The following MAP4K3 variants were observed in gnomAD, a reference collection of about 807,000 sequenced individuals.
The protein encoded by MAP4K3 is MAPK/ERK kinase kinase kinase 3.
A neutral mutation model predicts 143.5 loss-of-function variants in MAP4K3; 94 were observed. The observed-to-expected ratio is 0.65, with a 90% CI of 0.55 to 0.78. The LOEUF (loss-of-function observed/expected upper bound fraction) is 0.78, where lower values mean the gene tolerates loss of function less well. Ranked by LOEUF, MAP4K3 falls within the 30% of genes least tolerant of loss-of-function variation. MAP4K3 has a pLI of 0.00. For missense variants in MAP4K3, 1,077 were observed against 1,068.1 expected, an observed-to-expected ratio of 1.01 and a Z score of -0.12; for synonymous variants, 416 against 347.2, an observed-to-expected ratio of 1.20 and a Z score of -2.20.
At chr2:39,314,061 T>C (rs1683034354) in intron 13 of MAP4K3, among the ~76,000 whole-genome samples, 1 of 152,094 alleles carries the variant, frequency 6.6e-6, no homozygotes, top group South Asian at 2.1e-4. Flanking sequence ...AACAGAATCT[T>C]GTTCTTTGCC....
chr2:39,283,598 G>C (rs1410306431), intron 21 of MAP4K3: 1 of 151,556 alleles, frequency 6.6e-6, no homozygotes, highest in East Asian at 1.9e-4. Context: ...TTTACAATGA[G>C]TTTTGCTAAG....
At chr2:39,340,306 A>T (rs1224899063) in intron 4 of MAP4K3, among the ~76,000 whole-genome samples, 4 of 152,220 alleles carry the variant, frequency 2.6e-5, no homozygotes, top group Non-Finnish European at 5.9e-5. Context: ...ATTATTACAC[A>T]TTGCCACGAA....
At chr2:39,385,813 G>A (rs950897985) in intron 1 of MAP4K3, among the ~76,000 whole-genome samples, 1 of 151,720 alleles carries the variant, frequency 6.6e-6, no homozygotes, top group Admixed American at 6.6e-5. Context: ...TGTATTTTTA[G>A]TAGAGATGAG....
intron 1 of MAP4K3, among the ~76,000 whole-genome samples, chr2:39,385,925 C>T (rs1321798720): frequency 6.6e-6 from 1 of 152,116 alleles, no homozygotes; most frequent in East Asian, 1.9e-4. Context: ...AGCCACTGCA[C>T]CCAGCCAAAT....
intron 28 of MAP4K3, among the ~76,000 whole-genome samples, chr2:39,263,942 A>G (rs1014148206): frequency 2.0e-5 from 3 of 152,260 alleles, no homozygotes; most frequent in African/African-American, 4.8e-5. Context: ...ATGGTTTACC[A>G]TATTAGATAA....
chr2:39,370,850 A>G (rs1480481224), intron 2 of MAP4K3, among the ~76,000 whole-genome samples: 3 of 152,212 alleles, frequency 2.0e-5, no homozygotes, highest in Admixed American at 6.5e-5. Flanking sequence ...ACAAATGAGT[A>G]TAAGTAACTT....
intron 1 of MAP4K3, among the ~76,000 whole-genome samples, chr2:39,419,239 G>C (rs1424110728): frequency 2.6e-5 from 4 of 151,520 alleles, no homozygotes; most frequent in Non-Finnish European, 5.9e-5. Flanking sequence ...GCAAACAATA[G>C]TGTTAAAAAA....
intron 2 of MAP4K3, among the ~76,000 whole-genome samples, chr2:39,361,989 A>T (rs1665784647): frequency 6.6e-6 from 1 of 152,100 alleles, no homozygotes; most frequent in South Asian, 2.1e-4. Context: ...TCCCTTCTGA[A>T]TAGAAGAACT....
At chr2:39,253,843 T>C (rs1161807185) in intron 32 of MAP4K3, among the ~76,000 whole-genome samples, 1 of 152,218 alleles carries the variant, frequency 6.6e-6, no homozygotes, top group African/African-American at 2.4e-5. Flanking sequence ...ACCTCAGAAC[T>C]TTCCGGCATA....
chr2:39,425,571 T>C (rs573239145), intron 1 of MAP4K3, among the ~76,000 whole-genome samples: 6 of 152,070 alleles, frequency 3.9e-5, no homozygotes, highest in Non-Finnish European at 7.4e-5. Context: ...ATGCCCTCTC[T>C]CTCTGTAAGA....
intron 1 of MAP4K3, among the ~76,000 whole-genome samples, chr2:39,419,853 C>G (rs1369994580): frequency 6.6e-6 from 1 of 152,120 alleles, no homozygotes; most frequent in African/African-American, 2.4e-5. Context: ...CTGCTCAATG[C>G]TTTTTGAAGA....
chr2:39,293,312 T>G, intron 16 of MAP4K3, 44 bp from the exon 17 acceptor site: 1 of 1,157,978 alleles, frequency 8.6e-7, no homozygotes, highest in Non-Finnish European at 1.2e-6. Context: ...GAATAAATTA[T>G]CAAAGGAATA....
At chr2:39,413,070 T>C (rs1482491577) in intron 1 of MAP4K3, among the ~76,000 whole-genome samples, 5 of 152,232 alleles carry the variant, frequency 3.3e-5, no homozygotes, top group Non-Finnish European at 7.3e-5. Context: ...GATTATAAAA[T>C]GTCAAGCTTT....
chr2:39,418,705 C>G (rs545184802), intron 1 of MAP4K3, among the ~76,000 whole-genome samples: 18 of 151,760 alleles, frequency 1.2e-4, no homozygotes, highest in African/African-American at 4.1e-4. Flanking sequence ...TCCCTAGAAT[C>G]TATAACCGCA....
intron 1 of MAP4K3, among the ~76,000 whole-genome samples, chr2:39,425,816 G>A (rs561499718): frequency 1.3e-5 from 2 of 152,094 alleles, no homozygotes; most frequent in African/African-American, 2.4e-5. Flanking sequence ...AAGAATCCAT[G>A]AGCCAAAAAA....
At chr2:39,284,922 G>C in intron 21 of MAP4K3, among the ~76,000 whole-genome samples, 1 of 151,740 alleles carries the variant, frequency 6.6e-6, no homozygotes, top group Non-Finnish European at 1.5e-5. Context: ...ATATGGTCTT[G>C]CTCTGTCACC....
chr2:39,344,087 C>T lies in MAP4K3; in HGVS notation c.246-635G>A, dbSNP rs150041470. ...TACCATTCATGGTACAGAGATGGGA[C>T]AGAAAATCCCTGAACTCAGCAAGCT... On this transcript the variant is annotated intron_variant, in intron 3 of 33. Transcript: ENST00000263881. Among the ~76,000 whole-genome samples, 1,002 of 152,220 alleles carry T rather than the reference C, an allele frequency of 6.6e-3. 12 individuals carry two copies. Among genetic ancestry groups the T allele is most frequent in the African/African-American group, 0.023 (962 of 41,550 alleles).
Position 39,325,645 on chromosome 2 carries a change from C to A in MAP4K3, c.808-17G>T. On this transcript the variant is annotated splice_polypyrimidine_tract_variant and intron_variant, in intron 11 of 33. Coordinates refer to ENST00000263881, the MANE Select transcript of MAP4K3 (RefSeq NM_003618.4). Reference sequence around the variant, plus strand: ...AAAAGGATGCTATAAAAATTAAATACAATGCAGAACACTTACTATAAATCT... The same window carrying A: ...AAAAGGATGCTATAAAAATTAAATAAAATGCAGAACACTTACTATAAATCT... 1 of 1,586,462 alleles carries A rather than the reference C, an allele frequency of 6.3e-7. No individual in the cohort carries two copies. Among genetic ancestry groups the A allele is most frequent in the Non-Finnish European group, 8.7e-7 (1 of 1,155,914 alleles).
intron 26 of MAP4K3, among the ~76,000 whole-genome samples, chr2:39,270,048 G>C (rs577316124): frequency 2.0e-4 from 31 of 152,170 alleles, no homozygotes; most frequent in Non-Finnish European, 2.6e-4. Context: ...CTGGCAGAAA[G>C]TTTAATGTTC....
Sources: allele counts gnomAD v4.1 joint callset (sites outside exome capture counted in the v4.1 genomes callset), GRCh38; gene constraint gnomAD v4.1.1; transcripts MANE v1.5; gene names NCBI Gene and HGNC (gene_info 2026-07-23, HGNC 2026-07-21).